ZNF169: variants seen among roughly 807,000 people sequenced by gnomAD.
ZNF169 encodes zinc finger protein 169.
In ZNF169, 11 loss-of-function variants were observed where a neutral mutation model predicts 12.0. That is an observed-to-expected ratio of 0.92 (90% CI 0.58 to 1.52). ZNF169 has a LOEUF of 1.52. Among genes scored for constraint, ZNF169 ranks in the 40% most tolerant of loss-of-function variants. ZNF169 has a pLI of 0.00. For missense variants in ZNF169, 722 were observed against 744.0 expected (o/e 0.97, Z 0.34); for synonymous variants, 302 against 286.5 (o/e 1.05, Z -0.55).
chr9:94,299,059 A>T (rs745398362), intron 4 of ZNF169, among the ~76,000 whole-genome samples: 28 of 152,352 alleles, frequency 1.8e-4, no homozygotes, highest in South Asian at 8.3e-4. Flanking sequence ...AGATTTTTTT[A>T]AAAATCCTGG....
At chr9:94,275,866 C>T (rs1164502454) in intron 1 of ZNF169, among the ~76,000 whole-genome samples, 1 of 151,156 alleles carries the variant, frequency 6.6e-6, no homozygotes, top group Admixed American at 6.6e-5. Context: ...ACTACAACCT[C>T]TACTTCCCAG....
rs1831071567 is a variant in ZNF169 at position 94,301,257 on chromosome 9, G to A, written c.1699G>A (p.Glu567Lys). 5.6e-6 allele frequency: 9 copies of A among 1,614,038 alleles called. No individual in the cohort carries two copies. The Admixed American group carries it at 1.2e-4, about 21-fold the overall frequency. ...CCGACATCAGCGGACCCATTCTGGGGAGAAGCCGTATGTCTGCAGGGAGTG... is the reference window on the plus strand; with the variant it reads ...CCGACATCAGCGGACCCATTCTGGGAAGAAGCCGTATGTCTGCAGGGAGTG... ...LIRHQRTHSG[E>K]KPYVCRECGR... The change falls in exon 5 of 5, where the codon GAG (glutamate) becomes AAG (lysine). Residue 567 changes from glutamate to lysine, a missense_variant. By Grantham distance (56) the Glu-to-Lys change is moderately conservative. Coordinates refer to ENST00000395395, the MANE Select transcript of ZNF169 (RefSeq NM_194320.4).
At chr9:94,269,147 A>G (rs1419380788) in intron 1 of ZNF169, among the ~76,000 whole-genome samples, 2 of 152,118 alleles carry the variant, frequency 1.3e-5, no homozygotes, top group African/African-American at 2.4e-5. Flanking sequence ...TTTACATGGT[A>G]TCAAAAGGAA....
chr9:94,292,265 G>A, intron 2 of ZNF169, 76 bp from the exon 3 acceptor site: 3 of 1,612,074 alleles, frequency 1.9e-6, no homozygotes, highest in Non-Finnish European at 2.5e-6. Context: ...TTTCTGCCTT[G>A]ACTGTGGTTA....
At chr9:94,268,273 G>A (rs1830328588) in intron 1 of ZNF169, among the ~76,000 whole-genome samples, 1 of 152,020 alleles carries the variant, frequency 6.6e-6, no homozygotes, top group African/African-American at 2.4e-5. Context: ...AAGGAAATCT[G>A]TTAACTCTGT....
At chr9:94,273,228 T>C (rs528081615) in intron 1 of ZNF169, among the ~76,000 whole-genome samples, 10 of 152,266 alleles carry the variant, frequency 6.6e-5, no homozygotes, top group Admixed American at 2.0e-4. Context: ...TTTGATGTAG[T>C]CCCGTTTGTC....
chr9:94,264,057 C>T (rs1048635177), intron 1 of ZNF169, among the ~76,000 whole-genome samples: 1 of 152,154 alleles, frequency 6.6e-6, no homozygotes, highest in African/African-American at 2.4e-5. Flanking sequence ...CGTCATTCTT[C>T]AGGCTGTAAT....
chr9:94,300,969 G>A lies in ZNF169; in HGVS notation c.1411G>A (p.Val471Ile), dbSNP rs979997398. 2.9e-5 allele frequency: 47 copies of A among 1,606,510 alleles called. No individual in the cohort carries two copies. The highest frequency in any genetic ancestry group is 3.7e-5 in the Non-Finnish European group (43 of 1,177,694). ...PDCGRGFGQK[V>I]TLIRHQRTHT... ...TTGTGGGCGTGGCTTTGGTCAGAAG[G>A]TCACCCTCATCAGACACCAGAGGAC... The change falls in exon 5 of 5, where the codon GTC becomes ATC. Residue 471 changes from valine (V) to isoleucine (I), a missense_variant. Val to Ile is a conservative substitution (Grantham distance 29). Coordinates refer to ENST00000395395, the MANE Select transcript of ZNF169 (RefSeq NM_194320.4).
chr9:94,282,255 A>G (rs1415630888), intron 2 of ZNF169, among the ~76,000 whole-genome samples: 1 of 147,842 alleles, frequency 6.8e-6, no homozygotes, highest in Non-Finnish European at 1.5e-5. Flanking sequence ...GAATTTGGGC[A>G]AGATAAAAAA....
At chr9:94,288,529 CAT>C (rs1830763016) in intron 2 of ZNF169, 2 of 561,724 alleles carry the variant, frequency 3.6e-6, no homozygotes, top group Non-Finnish European at 6.8e-6. Flanking sequence ...GACAGGATCT[CAT>C]ATGTGAGTAG....
In ZNF169 at chr9:94,270,759, A is replaced by T. The variant is rs1184735549; in HGVS notation, c.-55-7999A>T. On this transcript the variant is annotated intron_variant, in intron 1 of 4. Transcript: ENST00000395395. ...TAATTAATGTATTTATATAATATAT[A>T]AATATATATGTTATATATTATATAA... Among the ~76,000 whole-genome samples, 7 of 66,406 alleles carry T rather than the reference A, an allele frequency of 1.1e-4. No individual in the cohort carries two copies. In the East Asian group the frequency reaches 1.7e-3, roughly 16 times the overall value. 43.6% of individuals were successfully genotyped at this position (66,406 alleles called of 152,430 possible).
At position 94,260,695 on chromosome 9, in the gene ZNF169, C is replaced by G. The variant is rs1830187271; in HGVS notation, c.-56+1350C>G. Among the ~76,000 whole-genome samples, 4 of 151,866 alleles carry G rather than the reference C, an allele frequency of 2.6e-5. No individual in the cohort carries two copies. In the South Asian group the frequency reaches 8.3e-4, roughly 32 times the overall value. On this transcript the variant is annotated intron_variant, in intron 1 of 4. Coordinates refer to ENST00000395395, the MANE Select transcript of ZNF169 (RefSeq NM_194320.4). ...TTCCGGGAGCATGGGTTGCAACAAG[C>G]AGAATGGTGCCCATAGGGCCAAGGA... is the stretch of plus-strand genomic sequence containing the variant.
intron 1 of ZNF169, among the ~76,000 whole-genome samples, chr9:94,264,596 C>T (rs1032538549): frequency 6.6e-6 from 1 of 152,196 alleles, no homozygotes; most frequent in African/African-American, 2.4e-5. Context: ...GGCAGGTCTG[C>T]TGACGATAAA....
At chr9:94,297,660 G>A (rs543058718) in intron 4 of ZNF169, among the ~76,000 whole-genome samples, 10 of 152,244 alleles carry the variant, frequency 6.6e-5, no homozygotes, top group East Asian at 1.9e-4. Context: ...TAAGAAATAC[G>A]TATTTTGTGA....
In ZNF169 at chr9:94,299,844, C is replaced by A. The variant is rs563753382; in HGVS notation, c.286C>A (p.Pro96Thr). 1.2e-6 allele frequency: 2 copies of A among 1,613,568 alleles called. No homozygotes were observed. Among genetic ancestry groups the A allele is most frequent in the African/African-American group, 2.7e-5 (2 of 74,886 alleles). ...TAGAACAGAATTCCAGCCAAGTTTTCCCCACCTGGTGGCCTTTTCTAGCTC... is the reference window on the plus strand; with the variant it reads ...TAGAACAGAATTCCAGCCAAGTTTTACCCACCTGGTGGCCTTTTCTAGCTC... ...EPRTEFQPSF[P>T]HLVAFSSSQL... The change falls in exon 5 of 5, where the codon CCC (proline) becomes ACC (threonine). Residue 96 changes from proline (P) to threonine (T), a missense_variant. Transcript: ENST00000395395.
At chr9:94,262,444 T>G (rs537985427) in intron 1 of ZNF169, among the ~76,000 whole-genome samples, 42 of 151,712 alleles carry the variant, frequency 2.8e-4, no homozygotes, top group African/African-American at 9.2e-4. Context: ...CATGATTTCT[T>G]TTTTTCTTTT....
chr9:94,300,244 GC>G lies in ZNF169; in HGVS notation c.688del (p.His230ThrfsTer102). On this transcript the variant is annotated frameshift_variant, in exon 5 of 5. Transcript: ENST00000395395. LOFTEE classifies it low-confidence loss of function (END_TRUNC). ...LGLSKKSSLF[S>X]HQKHHVCPEC... ...CTTAGCAAAAAGTCAAGCCTGTTCA[GC>G]CACCAGAAGCATCATGTGTGCCCTG... 6.2e-7 allele frequency: 1 copy of G among 1,614,212 alleles called. No homozygotes were observed. The highest frequency in any genetic ancestry group is 8.5e-7 in the Non-Finnish European group (1 of 1,180,038).
At chr9:94,282,553 A>T (rs1310570781) in intron 2 of ZNF169, among the ~76,000 whole-genome samples, 6 of 152,208 alleles carry the variant, frequency 3.9e-5, no homozygotes, top group Non-Finnish European at 8.8e-5. Flanking sequence ...GCAAACAGAT[A>T]TGCATCTATG....
chr9:94,282,321 C>T (rs1830654054), intron 2 of ZNF169, among the ~76,000 whole-genome samples: 1 of 152,142 alleles, frequency 6.6e-6, no homozygotes, highest in African/African-American at 2.4e-5. Flanking sequence ...GTCCTGACAA[C>T]ATGTGCCCGA....
Sources: gnomAD v4.1 joint callset for allele counts (sites outside exome capture counted in the v4.1 genomes callset) on GRCh38, gnomAD v4.1.1 for gene constraint, MANE v1.5 for transcripts, NCBI Gene and HGNC (gene_info 2026-07-23, HGNC 2026-07-21) for gene names.